The following TACR3 variants were observed in gnomAD, a reference collection of about 807,000 sequenced individuals.
The protein encoded by TACR3 is neuromedin-K receptor.
Under a neutral mutation model 35.0 loss-of-function variants are expected in TACR3, and 34 were observed. The observed-to-expected ratio is 0.97, with a 90% CI of 0.74 to 1.30. The LOEUF is 1.30. TACR3 is among the 50% of genes most tolerant of loss of function. TACR3 has a pLI of 0.00. For missense variants in TACR3, 558 were observed against 591.7 expected (o/e 0.94, Z 0.59); for synonymous variants, 233 against 221.1 (o/e 1.05, Z -0.48).
At chr4:103,715,526 A>G (rs1226237430) in intron 1 of TACR3, among the ~76,000 whole-genome samples, 3 of 151,974 alleles carry the variant, frequency 2.0e-5, no homozygotes, top group African/African-American at 4.8e-5. Flanking sequence ...TTCTTTATCA[A>G]TTACCCAGTC....
In TACR3 at chr4:103,705,471, C is replaced by T. The variant is rs149350390; in HGVS notation, c.548+13657G>A. ...ATGAGAATGCAAAGGGGACTAAGAA[C>T]ATTCAGCCTGCCTTTATGGTACTTA... On this transcript the variant is annotated intron_variant, in intron 1 of 4. Coordinates refer to ENST00000304883, the MANE Select transcript of TACR3 (RefSeq NM_001059.3). Among the ~76,000 whole-genome samples the T allele has an allele frequency of 5.5e-4, 83 of 152,180 alleles. 1 individual carries two copies. In the East Asian group the frequency reaches 0.011, roughly 20 times the overall value.
intron 3 of TACR3, among the ~76,000 whole-genome samples, chr4:103,599,827 C>G (rs1017996990): frequency 6.6e-6 from 1 of 152,118 alleles, no homozygotes; most frequent in Non-Finnish European, 1.5e-5. Context: ...GGTGGATAAA[C>G]TTTTTGATGT....
At chr4:103,718,223 C>A (rs1038166295) in intron 1 of TACR3, among the ~76,000 whole-genome samples, 2 of 152,086 alleles carry the variant, frequency 1.3e-5, no homozygotes, top group African/African-American at 2.4e-5. Context: ...TGAATAAGAA[C>A]ATTGAGACTT....
In TACR3 at chr4:103,674,583, C is replaced by T. The variant is rs533276755; in HGVS notation, c.549-16180G>A. Among the ~76,000 whole-genome samples the T allele has an allele frequency of 5.9e-5, 9 of 152,280 alleles. No individual in the cohort carries two copies. The South Asian group carries it at 1.7e-3, about 28-fold the overall frequency. On this transcript the variant is annotated intron_variant, in intron 1 of 4. Transcript: ENST00000304883. ...CTTGTTTTGTTTTGAGATGGAGTCTCGCTCTGTCACCAGGCTGGAGTGCAG... is the reference window on the plus strand; with the variant it reads ...CTTGTTTTGTTTTGAGATGGAGTCTTGCTCTGTCACCAGGCTGGAGTGCAG...
chr4:103,648,917 G>A (rs1725521889), intron 3 of TACR3, among the ~76,000 whole-genome samples: 1 of 152,060 alleles, frequency 6.6e-6, no homozygotes, highest in African/African-American at 2.4e-5. Context: ...CTGTATGAGA[G>A]TTTCCTTTCC....
chr4:103,615,841 T>C (rs1724645391), intron 3 of TACR3, among the ~76,000 whole-genome samples: 1 of 152,210 alleles, frequency 6.6e-6, no homozygotes, highest in Admixed American at 6.5e-5. Flanking sequence ...GTATATTTTT[T>C]TGTTTGTATT....
intron 3 of TACR3, among the ~76,000 whole-genome samples, chr4:103,630,375 A>G (rs1020025230): frequency 6.6e-6 from 1 of 152,246 alleles, no homozygotes; most frequent in African/African-American, 2.4e-5. Flanking sequence ...GTACAGCAAA[A>G]GAAACTACCA....
At chr4:103,611,743 C>A (rs1469426244) in intron 3 of TACR3, among the ~76,000 whole-genome samples, 1 of 152,024 alleles carries the variant, frequency 6.6e-6, no homozygotes, top group Non-Finnish European at 1.5e-5. Flanking sequence ...TTTTGCCCCT[C>A]TAAAAGCTAC....
chr4:103,599,266 G>A (rs948183561), intron 3 of TACR3, among the ~76,000 whole-genome samples: 33 of 152,178 alleles, frequency 2.2e-4, no homozygotes, highest in African/African-American at 7.7e-4. Flanking sequence ...GTCTGTTATT[G>A]GTGTATAAGA....
At chr4:103,690,491 T>C (rs2110216485) in intron 1 of TACR3, among the ~76,000 whole-genome samples, 1 of 152,174 alleles carries the variant, frequency 6.6e-6, no homozygotes, top group East Asian at 1.9e-4. Flanking sequence ...TACGTCAATA[T>C]GCATGAAGCA....
At chr4:103,703,819 G>A (rs1722720316) in intron 1 of TACR3, among the ~76,000 whole-genome samples, 1 of 151,996 alleles carries the variant, frequency 6.6e-6, no homozygotes, top group South Asian at 2.1e-4. Flanking sequence ...GGTAATACAT[G>A]GCCGGCCGTG....
intron 3 of TACR3, among the ~76,000 whole-genome samples, chr4:103,621,464 G>A (rs1319308440): frequency 6.6e-6 from 1 of 152,094 alleles, no homozygotes; most frequent in Non-Finnish European, 1.5e-5. Context: ...AGTTTAGAAT[G>A]GACTTCATTT....
intron 3 of TACR3, among the ~76,000 whole-genome samples, chr4:103,601,768 T>G (rs1724207764): frequency 6.6e-6 from 1 of 152,248 alleles, no homozygotes; most frequent in South Asian, 2.1e-4. Flanking sequence ...GTTAGTCTGA[T>G]GGGCTTCCCT....
chr4:103,675,198 G>A (rs1726142414), intron 1 of TACR3, among the ~76,000 whole-genome samples: 1 of 151,988 alleles, frequency 6.6e-6, no homozygotes, highest in Non-Finnish European at 1.5e-5. Context: ...TTCTATCAAT[G>A]CTTGGATCTT....
intron 3 of TACR3, among the ~76,000 whole-genome samples, chr4:103,608,433 G>A (rs1724434557): frequency 6.6e-6 from 1 of 152,056 alleles, no homozygotes; most frequent in Admixed American, 6.6e-5. Context: ...AGCATAGGTG[G>A]AAAAACTACC....
intron 3 of TACR3, among the ~76,000 whole-genome samples, chr4:103,621,628 A>C (rs1421563859): frequency 1.3e-5 from 2 of 152,220 alleles, no homozygotes; most frequent in Non-Finnish European, 2.9e-5. Flanking sequence ...TTCATTGAAC[A>C]TTGATTAAGG....
chr4:103,667,712 C>A (rs149556822), intron 1 of TACR3, among the ~76,000 whole-genome samples: 1 of 152,054 alleles, frequency 6.6e-6, no homozygotes, highest in African/African-American at 2.4e-5. Flanking sequence ...CACTTATAAC[C>A]CCCTCAAAGT....
In TACR3 at chr4:103,605,648, G is replaced by T. The variant is rs570077354; in HGVS notation, c.889-13965C>A. Reference sequence around the variant, plus strand: ...CTTCTTTTGAGAAGTGTCTGTTCATGTCCTTCACCCACTTTTCGATGGGGT... The same window carrying T: ...CTTCTTTTGAGAAGTGTCTGTTCATTTCCTTCACCCACTTTTCGATGGGGT... On this transcript the variant is annotated intron_variant, in intron 3 of 4. Coordinates refer to ENST00000304883, the MANE Select transcript of TACR3 (RefSeq NM_001059.3). 7.4e-3 allele frequency among the ~76,000 whole-genome samples: 1,119 copies of T among 152,134 alleles called. 16 individuals carry two copies. Among genetic ancestry groups the T allele is most frequent in the African/African-American group, 0.026 (1,074 of 41,518 alleles).
chr4:103,700,460 A>C lies in TACR3; in HGVS notation c.548+18668T>G, dbSNP rs529004919. On this transcript the variant is annotated intron_variant, in intron 1 of 4. Transcript: ENST00000304883. Reference sequence around the variant, plus strand: ...AATACAAGCTCAAAATAATGAACTTAAGCAAATATTAAAATCCTGTGTGAC... The same window carrying C: ...AATACAAGCTCAAAATAATGAACTTCAGCAAATATTAAAATCCTGTGTGAC... Among the ~76,000 whole-genome samples the C allele has an allele frequency of 5.3e-5, 8 of 152,318 alleles. No homozygotes were observed. The South Asian group carries it at 1.7e-3, about 32-fold the overall frequency.
Sources: gnomAD v4.1 joint callset for allele counts (sites outside exome capture counted in the v4.1 genomes callset) on GRCh38, gnomAD v4.1.1 for gene constraint, MANE v1.5 for transcripts, NCBI Gene and HGNC (gene_info 2026-07-23, HGNC 2026-07-21) for gene names.